Variants in ACAT1 observed in about 807,000 individuals in gnomAD.
The protein encoded by ACAT1 is acetyl-CoA acetyltransferase, mitochondrial.
In ACAT1, 28 loss-of-function variants were observed where a neutral mutation model predicts 47.3. The ratio of observed to expected loss-of-function variants is 0.59; its 90% confidence interval spans 0.44 to 0.81. The LOEUF (loss-of-function observed/expected upper bound fraction) is 0.81. Ranked by LOEUF, ACAT1 falls within the 30% of genes least tolerant of loss-of-function variation. The pLI is 0.00. For missense variants in ACAT1, 469 were observed against 524.3 expected (o/e 0.89, Z 1.03); for synonymous variants, 181 against 173.6 (o/e 1.04, Z -0.34).
chr11:108,146,643 G>A (rs531007558), intron 11 of ACAT1, among the ~76,000 whole-genome samples: 121 of 152,216 alleles, frequency 7.9e-4, no homozygotes, highest in South Asian at 5.8e-3. Flanking sequence ...TTAGGGTACC[G>A]TGGGTTTTGG....
In ACAT1 at chr11:108,121,597, C is replaced by T. The variant is rs373627341; in HGVS notation, c.-10C>T. The stretch of plus-strand genomic sequence containing the variant: ...ACGCCTGTGGAGCCGATACTCAGCC[C>T]TCTGCGACCATGGCTGTGCTGGCGG... On this transcript the variant is annotated 5_prime_UTR_variant, in exon 1 of 12. Coordinates refer to ENST00000265838, the MANE Select transcript of ACAT1 (RefSeq NM_000019.4). 2.3e-5 allele frequency: 36 copies of T among 1,550,508 alleles called. No individual in the cohort carries two copies. Among genetic ancestry groups the T allele is most frequent in the Non-Finnish European group, 2.9e-5 (33 of 1,147,038 alleles).
intron 1 of ACAT1, among the ~76,000 whole-genome samples, chr11:108,130,919 T>C (rs1035946265): frequency 4.6e-5 from 7 of 152,048 alleles, no homozygotes; most frequent in African/African-American, 1.7e-4. Flanking sequence ...CTGGCTAATT[T>C]TTGTATTTTT....
chr11:108,123,921 C>T (rs1275812843), intron 1 of ACAT1, among the ~76,000 whole-genome samples: 2 of 152,136 alleles, frequency 1.3e-5, no homozygotes, highest in South Asian at 2.1e-4. Flanking sequence ...TCTTTTAATA[C>T]TCAGACTTAA....
intron 3 of ACAT1, 141 bp from the exon 4 acceptor site, chr11:108,134,080 A>G: frequency 8.7e-7 from 1 of 1,147,232 alleles, no homozygotes; most frequent in Middle Eastern, 2.0e-4. Flanking sequence ...AAGTCTTTGT[A>G]CTATACAGTT....
upstream of ACAT1, among the ~76,000 whole-genome samples, chr11:108,117,992 A>G (rs1864984441): frequency 6.6e-6 from 1 of 152,230 alleles, no homozygotes; most frequent in African/African-American, 2.4e-5. Context: ...TCTCCTTGAC[A>G]AATGTAATAA....
At chr11:108,138,802 A>G in intron 5 of ACAT1, 96 bp from the exon 6 acceptor site, 1 of 1,343,866 alleles carries the variant, frequency 7.4e-7, no homozygotes, top group East Asian at 2.3e-5. Flanking sequence ...TAATAAATGC[A>G]TGTAGAATAC....
rs984472778 is a variant in ACAT1, at chr11:108,121,899, G to C, written c.72+221G>C. On this transcript the variant is annotated intron_variant, in intron 1 of 11. Coordinates refer to ENST00000265838, the MANE Select transcript of ACAT1 (RefSeq NM_000019.4). ...AGCGCGTTTCTACTTCCAAGGTCTC[G>C]GCGTAATCATCTTAATGAGCGTTAC... 1.7e-5 allele frequency: 10 copies of C among 594,150 alleles called. No homozygotes were observed. The East Asian group carries it at 2.5e-4, about 15-fold the overall frequency. The allele number at this position is 594,150 out of a possible 1,614,324, so 36.8% of individuals were successfully genotyped here. A position where few individuals can be genotyped will look rare whatever the true frequency, so the allele number is the denominator to read the frequency against.
intron 8 of ACAT1, 31 bp from the exon 9 acceptor site, chr11:108,142,406 G>A (rs1565294579): frequency 2.6e-6 from 4 of 1,528,588 alleles, no homozygotes; most frequent in East Asian, 2.3e-5. Flanking sequence ...GTGAAGGAAT[G>A]TTTTGACTTC....
intron 7 of ACAT1, 81 bp from the exon 8 acceptor site, chr11:108,141,521 AGAC>A: frequency 1.0e-6 from 1 of 970,764 alleles, no homozygotes; most frequent in Non-Finnish European, 1.6e-6. Flanking sequence ...AGGGAGGCAC[AGAC>A]TACTAGGCAT....
intron 5 of ACAT1, among the ~76,000 whole-genome samples, chr11:108,135,593 T>G (rs1405498274): frequency 6.6e-6 from 1 of 151,450 alleles, no homozygotes; most frequent in Non-Finnish European, 1.5e-5. Context: ...GCACAGTGGC[T>G]CACTCCTATA....
chr11:108,132,067 AG>A, intron 2 of ACAT1, 113 bp downstream of exon 2: 1 of 633,666 alleles, frequency 1.6e-6, no homozygotes, highest in Non-Finnish European at 2.9e-6. Context: ...ATTATGTAAC[AG>A]TTAGGAATAG....
chr11:108,137,054 C>A (rs996713416), intron 5 of ACAT1: 1 of 151,982 alleles, frequency 6.6e-6, no homozygotes, highest in African/African-American at 2.4e-5. Context: ...GACAGGGTGT[C>A]TGGCCTCAAA....
At chr11:108,128,015 A>C (rs1219513830) in intron 1 of ACAT1, 1 of 151,808 alleles carries the variant, frequency 6.6e-6, no homozygotes. Flanking sequence ...CAAAACAAAC[A>C]AACAAAGAAT....
At chr11:108,122,890 A>C (rs895052761) in intron 1 of ACAT1, among the ~76,000 whole-genome samples, 15 of 152,332 alleles carry the variant, frequency 9.8e-5, no homozygotes, top group African/African-American at 3.4e-4. Context: ...AGATGTAAAA[A>C]AAAAAAGTTC....
chr11:108,142,555 G>C lies in ACAT1; in HGVS notation c.940+5G>C, dbSNP rs1264782923. The C allele has an allele frequency of 6.2e-7, 1 of 1,610,934 alleles. No individual in the cohort carries two copies. The highest frequency in any genetic ancestry group is 8.5e-7 in the Non-Finnish European group (1 of 1,177,178). On this transcript the variant is annotated splice_donor_5th_base_variant and intron_variant, in intron 9 of 11. Transcript: ENST00000265838. ...CACCACTGGCAAGAATAGTAGGTAA[G>C]GCCAGGCGAGGTGGCTCACACCTGT...
intron 2 of ACAT1, among the ~76,000 whole-genome samples, chr11:108,132,873 A>AAAAAAAAAG (rs1565287873): frequency 8.7e-5 from 12 of 137,490 alleles, no homozygotes; most frequent in Admixed American, 7.3e-5. Flanking sequence ...AAAAAAAAAA[A>AAAAAAAAAG]AAAAAAAAGA....
Position 108,121,643 on chromosome 11 carries a change from C to G in ACAT1, c.37C>G (p.Arg13Gly), listed in dbSNP as rs1211329032. 1.3e-6 allele frequency: 2 copies of G among 1,550,100 alleles called. No homozygotes were observed. The highest frequency in any genetic ancestry group is 1.7e-6 in the Non-Finnish European group (2 of 1,147,452). The change falls in exon 1 of 12, where the codon CGC (arginine) becomes GGC (glycine). Residue 13 changes from arginine (R) to glycine (G), a missense_variant. Coordinates refer to ENST00000265838, the MANE Select transcript of ACAT1 (RefSeq NM_000019.4). ...VLAALLRSGARSRSPLLRRLV... is the reference protein window; with the variant it reads ...VLAALLRSGAGSRSPLLRRLV... ...GGCGGCACTTCTGCGCAGCGGCGCC[C>G]GCAGCCGCAGCCCCCTGCTCCGGAG...
chr11:108,131,206 G>A (rs1383748380), intron 1 of ACAT1, among the ~76,000 whole-genome samples: 1 of 151,962 alleles, frequency 6.6e-6, no homozygotes, highest in African/African-American at 2.4e-5. Context: ...GACAATTGTT[G>A]GAAGTGGATA....
At chr11:108,138,768 T>G in intron 5 of ACAT1, 130 bp from the exon 6 acceptor site, 1 of 1,019,638 alleles carries the variant, frequency 9.8e-7, no homozygotes, top group East Asian at 2.4e-5. Flanking sequence ...GGGTACTTCC[T>G]GTATTCACTG....
Sources: gnomAD v4.1 joint callset for allele counts (sites outside exome capture counted in the v4.1 genomes callset) on GRCh38, gnomAD v4.1.1 for gene constraint, MANE v1.5 for transcripts, NCBI Gene and HGNC (gene_info 2026-07-23, HGNC 2026-07-21) for gene names.